Variants in KCND2 observed in about 807,000 individuals in gnomAD.
The protein encoded by KCND2 is potassium voltage-gated channel subfamily D member 2.
A neutral mutation model predicts 54.4 loss-of-function variants in KCND2; 16 were observed. That is an observed-to-expected ratio of 0.29 (90% CI 0.20 to 0.45). KCND2 has a LOEUF of 0.45. Among genes scored for constraint, KCND2 ranks in the 20% least tolerant of loss-of-function variants. KCND2 has a pLI of 1.00. For synonymous variants in KCND2, 317 were observed against 310.7 expected, an observed-to-expected ratio of 1.02 and a Z score of -0.21; for missense variants, 486 against 824.2, an observed-to-expected ratio of 0.59 and a Z score of 5.02.
At chr7:120,725,603 C>G (rs969590524) in intron 1 of KCND2, among the ~76,000 whole-genome samples, 1 of 152,138 alleles carries the variant, frequency 6.6e-6, no homozygotes, top group Admixed American at 6.5e-5. Context: ...TGGTTTGTTT[C>G]CAAACTTTCA....
At chr7:120,307,705 A>C (rs1404377687) in intron 1 of KCND2, among the ~76,000 whole-genome samples, 1 of 152,138 alleles carries the variant, frequency 6.6e-6, no homozygotes, top group Non-Finnish European at 1.5e-5. Flanking sequence ...TGCCTCAGCC[A>C]TCTGAGTGGA....
intron 1 of KCND2, among the ~76,000 whole-genome samples, chr7:120,652,404 GAGT>G (rs1791746928): frequency 6.6e-6 from 1 of 152,120 alleles, no homozygotes; most frequent in Non-Finnish European, 1.5e-5. Context: ...ACATGGATCA[GAGT>G]AGGAACAAGA....
At chr7:120,408,648 G>T (rs1415878983) in intron 1 of KCND2, among the ~76,000 whole-genome samples, 1 of 151,670 alleles carries the variant, frequency 6.6e-6, no homozygotes, top group African/African-American at 2.4e-5. Flanking sequence ...GTTCCCTCAG[G>T]AGTCATTGTG....
chr7:120,613,369 A>G (rs1792980519), intron 1 of KCND2, among the ~76,000 whole-genome samples: 1 of 152,148 alleles, frequency 6.6e-6, no homozygotes, highest in Non-Finnish European at 1.5e-5. Flanking sequence ...GGTCTCTACT[A>G]AAAATACAAA....
At chr7:120,570,108 T>C (rs934648188) in intron 1 of KCND2, among the ~76,000 whole-genome samples, 14 of 152,354 alleles carry the variant, frequency 9.2e-5, no homozygotes, top group African/African-American at 3.4e-4. Context: ...AAATAACTTC[T>C]GTTTGAACAT....
chr7:120,444,252 T>A (rs1004832584), intron 1 of KCND2, among the ~76,000 whole-genome samples: 2 of 152,086 alleles, frequency 1.3e-5, no homozygotes, highest in African/African-American at 4.8e-5. Context: ...TTGCTCACTT[T>A]GGAAGGACAA....
intron 1 of KCND2, among the ~76,000 whole-genome samples, chr7:120,405,485 A>T (rs1340936476): frequency 6.6e-6 from 1 of 152,182 alleles, no homozygotes; most frequent in Non-Finnish European, 1.5e-5. Flanking sequence ...GTGAAAGATC[A>T]TGTCTTATTC....
intron 1 of KCND2, among the ~76,000 whole-genome samples, chr7:120,284,636 G>C (rs769188353): frequency 6.6e-6 from 1 of 152,074 alleles, no homozygotes; most frequent in African/African-American, 2.4e-5. Flanking sequence ...TGCTAGGCTC[G>C]TTAGAAATCA....
chr7:120,426,382 T>TGG (rs1801706121), intron 1 of KCND2, among the ~76,000 whole-genome samples: 1 of 152,156 alleles, frequency 6.6e-6, no homozygotes, highest in East Asian at 1.9e-4. Flanking sequence ...CAGATTTATA[T>TGG]AACTTTGAAA....
chr7:120,346,609 A>G (rs1800320808), intron 1 of KCND2, among the ~76,000 whole-genome samples: 1 of 152,096 alleles, frequency 6.6e-6, no homozygotes, highest in Non-Finnish European at 1.5e-5. Flanking sequence ...ATTTATGTCT[A>G]AATTTAGTAG....
chr7:120,415,911 A>T lies in KCND2; in HGVS notation c.1115+140164A>T, dbSNP rs1801517798. Among the ~76,000 whole-genome samples, 4 of 152,300 alleles carry T rather than the reference A, an allele frequency of 2.6e-5. No homozygotes were observed. In the South Asian group the frequency reaches 8.3e-4, roughly 32 times the overall value. ...GAAAGGGACAGGCATCCATCCGTTT[A>T]CAAAATCAGAAACCGAGAAGTCATT... On this transcript the variant is annotated intron_variant, in intron 1 of 5. Transcript: ENST00000331113.
chr7:120,570,335 A>G (rs1216157207), intron 1 of KCND2, among the ~76,000 whole-genome samples: 1 of 152,058 alleles, frequency 6.6e-6, no homozygotes, highest in East Asian at 1.9e-4. Context: ...GCGACTGGGA[A>G]AGCTACAACC....
chr7:120,598,351 T>C (rs1253399775), intron 1 of KCND2, among the ~76,000 whole-genome samples: 1 of 152,144 alleles, frequency 6.6e-6, no homozygotes, highest in Non-Finnish European at 1.5e-5. Context: ...TCTATATTTG[T>C]ATTGTTAGAT....
chr7:120,557,385 T>C (rs1224403256), intron 1 of KCND2, among the ~76,000 whole-genome samples: 1 of 152,146 alleles, frequency 6.6e-6, no homozygotes, highest in Non-Finnish European at 1.5e-5. Flanking sequence ...TCTTCAAATA[T>C]GTAATTAGAT....
intron 1 of KCND2, among the ~76,000 whole-genome samples, chr7:120,303,359 T>C (rs1240393097): frequency 7.2e-5 from 11 of 152,148 alleles, no homozygotes; most frequent in Non-Finnish European, 1.5e-5. Flanking sequence ...GCCATAGAAG[T>C]ACAGAAATGT....
intron 1 of KCND2, among the ~76,000 whole-genome samples, chr7:120,663,260 G>T (rs1458070981): frequency 1.3e-5 from 2 of 152,036 alleles, no homozygotes; most frequent in East Asian, 3.9e-4. Context: ...AACAAAAGAG[G>T]TTATAGATGA....
chr7:120,513,049 T>A (rs1201309174), intron 1 of KCND2, among the ~76,000 whole-genome samples: 2 of 152,042 alleles, frequency 1.3e-5, no homozygotes, highest in African/African-American at 2.4e-5. Flanking sequence ...ACCCACTGCC[T>A]CAGTCTACCA....
intron 1 of KCND2, among the ~76,000 whole-genome samples, chr7:120,345,814 C>T (rs1800308640): frequency 6.6e-6 from 1 of 152,200 alleles, no homozygotes; most frequent in African/African-American, 2.4e-5. Flanking sequence ...CATAACTGCA[C>T]AAACATCTCT....
chr7:120,659,223 T>A (rs1791838378), intron 1 of KCND2, among the ~76,000 whole-genome samples: 1 of 152,192 alleles, frequency 6.6e-6, no homozygotes, highest in African/African-American at 2.4e-5. Context: ...TCCTGCCATG[T>A]CTTCACTTGT....
Sources: gnomAD v4.1 joint callset for allele counts (sites outside exome capture counted in the v4.1 genomes callset) on GRCh38, gnomAD v4.1.1 for gene constraint, MANE v1.5 for transcripts, NCBI Gene and HGNC (gene_info 2026-07-23, HGNC 2026-07-21) for gene names.